The following FBN3 variants were observed in gnomAD, a reference collection of about 807,000 sequenced individuals.
FBN3 encodes fibrillin 3.
Under a neutral mutation model 330.1 loss-of-function variants are expected in FBN3, and 234 were observed. The observed-to-expected ratio is 0.71, with a 90% CI of 0.64 to 0.79. The LOEUF is 0.79. Ranked by LOEUF, FBN3 falls within the 30% of genes least tolerant of loss-of-function variation. The pLI, the probability that FBN3 is intolerant of heterozygous loss-of-function variation, is 0.00. For synonymous variants in FBN3, 1,458 were observed against 1,517.3 expected, an observed-to-expected ratio of 0.96 and a Z score of 0.91; for missense variants, 3,606 against 3,886.9, an observed-to-expected ratio of 0.93 and a Z score of 1.92.
At chr19:8,070,489 T>C (rs543238358) in intron 63 of FBN3, among the ~76,000 whole-genome samples, 2 of 152,056 alleles carry the variant, frequency 1.3e-5, no homozygotes, top group East Asian at 3.9e-4. Context: ...GCAGTGGGGG[T>C]GAGTTTGGGG....
chr19:8,100,787 G>GCC, intron 41 of FBN3, 114 bp downstream of exon 41: 1 of 770,138 alleles, frequency 1.3e-6, no homozygotes, highest in Non-Finnish European at 2.3e-6. Flanking sequence ...GCGAGGAGGA[G>GCC]GGGAGGATGG....
chr19:8,136,252 C>A lies in FBN3; in HGVS notation c.1403G>T (p.Gly468Val). The A allele has an allele frequency of 6.2e-7, 1 of 1,608,838 alleles. No homozygotes were observed. The highest frequency in any genetic ancestry group is 8.5e-7 in the Non-Finnish European group (1 of 1,178,356). The change falls in exon 12 of 64, where the codon GGC becomes GTC. Residue 468 changes from glycine to valine, a missense_variant. Transcript: ENST00000600128. Reference protein sequence around the residue: ...CHHGDCVNIPGTYHCRCYPGF... With the variant: ...CHHGDCVNIPVTYHCRCYPGF... Reference sequence around the variant, plus strand: ...CGGGTAGCACCGGCAGTGGTAGGTGCCGGGGATGTTGACGCAGTCACCGTG... The same window carrying A: ...CGGGTAGCACCGGCAGTGGTAGGTGACGGGGATGTTGACGCAGTCACCGTG...
Position 8,136,380 on chromosome 19 carries a change from C to G in FBN3, c.1345+8G>C. On this transcript the variant is annotated splice_region_variant and intron_variant, in intron 11 of 63. Coordinates refer to ENST00000600128, the MANE Select transcript of FBN3 (RefSeq NM_032447.5). ...AACCGCCCCCCCTTCCACCTGGCCGCGGCTCACCAATGCACTCGCCGCGCA... is the reference window on the plus strand; with the variant it reads ...AACCGCCCCCCCTTCCACCTGGCCGGGGCTCACCAATGCACTCGCCGCGCA... The G allele has an allele frequency of 6.2e-7, 1 of 1,612,102 alleles. No individual in the cohort carries two copies. Among genetic ancestry groups the G allele is most frequent in the Non-Finnish European group, 8.5e-7 (1 of 1,178,588 alleles).
At chr19:8,097,869 A>G (rs551014337) in intron 41 of FBN3, among the ~76,000 whole-genome samples, 27 of 152,368 alleles carry the variant, frequency 1.8e-4, no homozygotes, top group African/African-American at 6.5e-4. Flanking sequence ...TCATTCTGCT[A>G]AGAGAAGCCA....
Position 8,131,630 on chromosome 19 carries a change from G to A in FBN3, c.1914C>T (p.Thr638=), listed in dbSNP as rs756397316. The change falls in exon 15 of 64, where the codon ACC becomes ACT. Residue 638 remains threonine, a synonymous_variant. Coordinates refer to ENST00000600128, the MANE Select transcript of FBN3 (RefSeq NM_032447.5). This position sits in a 1 kb window ranked among gnomAD's most constrained non-coding sequence, Gnocchi z 4.5. ...GATTGGCACAGCAGCACTCGGACTT[G>A]GTGACAGTGCCAGGGAAGGGGCGGG... ...SCARPFPGTV[T]KSECCCANPD... is the part of the protein sequence containing the mutation. 1 of 1,614,194 alleles carries A rather than the reference G, an allele frequency of 6.2e-7. No homozygotes were observed. The highest frequency in any genetic ancestry group is 2.2e-5 in the East Asian group (1 of 44,868).
At chr19:8,132,349 A>T (rs1418327906) in intron 14 of FBN3, among the ~76,000 whole-genome samples, 1 of 148,180 alleles carries the variant, frequency 6.7e-6, no homozygotes, top group African/African-American at 2.5e-5. Context: ...TGCCCAGCTA[A>T]TTTTTTTTTT....
At position 8,138,531 on chromosome 19, in the gene FBN3, A is replaced by T. The variant is rs1273303555; in HGVS notation, c.899T>A (p.Phe300Tyr). 14 of 1,612,108 alleles carry T rather than the reference A, an allele frequency of 8.7e-6. No individual in the cohort carries two copies. Among genetic ancestry groups the T allele is most frequent in the Non-Finnish European group, 1.2e-5 (14 of 1,179,874 alleles). ...GAGGTCTCCAGCACAGCGGCCCCCG[A>T]AAAGCACTGAGAAGCAGGCGCCGGC... ...YRAGACFSVL[F>Y]GGRCAGDLAG... Residue 300 changes from phenylalanine (F) to tyrosine (Y), a missense_variant, in exon 9 of 64, where the codon TTC (phenylalanine) becomes TAC (tyrosine). Coordinates refer to ENST00000600128, the MANE Select transcript of FBN3 (RefSeq NM_032447.5).
intron 63 of FBN3, among the ~76,000 whole-genome samples, chr19:8,066,513 A>T (rs903402099): frequency 5.3e-5 from 8 of 152,192 alleles, no homozygotes; most frequent in African/African-American, 1.9e-4. Context: ...GGAGCTAAAA[A>T]TTGCATACCC....
At chr19:8,101,733 C>G (rs2082331819) in intron 40 of FBN3, among the ~76,000 whole-genome samples, 1 of 151,722 alleles carries the variant, frequency 6.6e-6, no homozygotes. Context: ...TGGCCTGGGA[C>G]ATTTACCGAC....
At chr19:8,081,284 A>G in intron 58 of FBN3, 74 bp downstream of exon 58, 1 of 1,525,752 alleles carries the variant, frequency 6.6e-7, no homozygotes, top group Non-Finnish European at 8.9e-7. Flanking sequence ...TGCAGGGGAC[A>G]TGTCTTGGGC....
chr19:8,139,882 T>G (rs561258329), intron 8 of FBN3, among the ~76,000 whole-genome samples: 1 of 152,020 alleles, frequency 6.6e-6, no homozygotes, highest in Admixed American at 6.5e-5. Flanking sequence ...GAGCCACCCC[T>G]GACCTGCCCC....
At chr19:8,081,668 A>C (rs1316237490) in intron 57 of FBN3, among the ~76,000 whole-genome samples, 188 bp from the exon 58 acceptor site, 2 of 152,206 alleles carry the variant, frequency 1.3e-5, no homozygotes, top group Admixed American at 6.5e-5. Context: ...CATCTCAGAT[A>C]CAACTACTCC....
intron 56 of FBN3, among the ~76,000 whole-genome samples, chr19:8,084,437 T>C (rs111642295): frequency 0.011 from 1,683 of 151,880 alleles, 32 homozygotes; most frequent in African/African-American, 0.039. Context: ...TTTGGGAGGC[T>C]GAGGTGGGCG....
rs565070326 is a variant in FBN3, at chr19:8,091,566, G to A, written c.5930C>T (p.Pro1977Leu). 2.5e-6 allele frequency: 4 copies of A among 1,614,072 alleles called. No individual in the cohort carries two copies. Among genetic ancestry groups the A allele is most frequent in the Middle Eastern group, 1.6e-4 (1 of 6,062 alleles). Residue 1977 changes from proline (P) to leucine (L), a missense_variant, in exon 48 of 64, where the codon CCC (proline) becomes CTC (leucine). Physicochemically the swap from Pro to Leu is moderately conservative, Grantham distance 98. Coordinates refer to ENST00000600128, the MANE Select transcript of FBN3 (RefSeq NM_032447.5). ...ACAGGTGCCAAAGAGGCAGAGGTTGGGCTCCTCTGAGCACTCGTCGATATC... is the reference window on the plus strand; with the variant it reads ...ACAGGTGCCAAAGAGGCAGAGGTTGAGCTCCTCTGAGCACTCGTCGATATC... Reference protein sequence around the residue: ...CIDIDECSEEPNLCLFGTCTN... With the variant: ...CIDIDECSEELNLCLFGTCTN...
chr19:8,134,986 A>AT (rs1449522073), intron 13 of FBN3, among the ~76,000 whole-genome samples: 10 of 148,310 alleles, frequency 6.7e-5, no homozygotes, highest in African/African-American at 2.5e-4. Flanking sequence ...ATATATATAT[A>AT]TATATTTTTT....
At chr19:8,123,087 C>T (rs1309745329) in intron 24 of FBN3, among the ~76,000 whole-genome samples, 1 of 151,886 alleles carries the variant, frequency 6.6e-6, no homozygotes, top group African/African-American at 2.4e-5. Context: ...GGCACAGTGG[C>T]TCACACCTGT....
rs745700895 is a variant in FBN3 at position 8,144,940 on chromosome 19, G to A, written c.478C>T (p.Arg160Cys). Residue 160 changes from arginine to cysteine, a missense_variant, in exon 6 of 64, where the codon CGC (arginine) becomes TGC (cysteine). Coordinates refer to ENST00000600128, the MANE Select transcript of FBN3 (RefSeq NM_032447.5). ...ICDRGCHNGG[R>C]CIGPNRCACV... ...GCGCAGCGGTTGGGCCCAATGCAGCGACCCCCATTGTGGCAGCCGCGGTCA... is the reference window on the plus strand; with the variant it reads ...GCGCAGCGGTTGGGCCCAATGCAGCAACCCCCATTGTGGCAGCCGCGGTCA... 102 of 1,612,132 alleles carry A rather than the reference G, an allele frequency of 6.3e-5. No individual in the cohort carries two copies. Among genetic ancestry groups the A allele is most frequent in the Non-Finnish European group, 7.5e-5 (89 of 1,179,698 alleles).
chr19:8,139,397 G>T (rs530024607), intron 8 of FBN3, among the ~76,000 whole-genome samples: 1 of 152,206 alleles, frequency 6.6e-6, no homozygotes, highest in African/African-American at 2.4e-5. Context: ...GCCAATGCTC[G>T]CTCAGTGCCA....
At chr19:8,081,251 A>G in intron 58 of FBN3, 107 bp downstream of exon 58, 1 of 1,490,540 alleles carries the variant, frequency 6.7e-7, no homozygotes, top group Admixed American at 1.9e-5. Flanking sequence ...GCTTGACTCC[A>G]TGCAGATGGG....
Sources: gnomAD v4.1 joint callset for allele counts (sites outside exome capture counted in the v4.1 genomes callset) on GRCh38, gnomAD v4.1.1 for gene constraint, Gnocchi (gnomAD v3.1) non-coding constraint, MANE v1.5 for transcripts, NCBI Gene and HGNC (gene_info 2026-07-23, HGNC 2026-07-21) for gene names.